XKR7: variants seen among roughly 807,000 people sequenced by gnomAD.
XKR7 encodes XK-related protein 7.
Under a neutral mutation model 42.2 loss-of-function variants are expected in XKR7, and 11 were observed. That is an observed-to-expected ratio of 0.26 (90% CI 0.16 to 0.43). XKR7 has a LOEUF of 0.43. XKR7 is among the 20% of genes least tolerant of loss of function. The pLI, the probability that XKR7 is intolerant of heterozygous loss-of-function variation, is 1.00. For synonymous variants in XKR7, 346 were observed against 366.4 expected, an observed-to-expected ratio of 0.94 and a Z score of 0.64; for missense variants, 710 against 802.2, an observed-to-expected ratio of 0.89 and a Z score of 1.39.
intron 1 of XKR7, among the ~76,000 whole-genome samples, chr20:31,989,380 G>C (rs532384303): frequency 6.6e-6 from 1 of 152,294 alleles, no homozygotes; most frequent in South Asian, 2.1e-4. Context: ...TGCACGCCGA[G>C]GGGAGAAGCG....
chr20:32,001,501 G>A lies in XKR7; in HGVS notation c.*4044G>A, dbSNP rs561516204. 1.8e-3 allele frequency: 270 copies of A among 152,308 alleles called. No individual in the cohort carries two copies. The highest frequency in any genetic ancestry group is 6.3e-3 in the African/African-American group (260 of 41,544). The allele number at this position is 152,308 out of a possible 1,614,324, so 9.4% of individuals were successfully genotyped here. A position where few individuals can be genotyped will look rare whatever the true frequency, so the allele number is the denominator to read the frequency against. ...AGGGACAGAGGCTGTGGCTCCCTCT[G>A]AGACTTTGCTAGTCCAACCCTAAAT... On this transcript the variant is annotated 3_prime_UTR_variant, in exon 3 of 3. Coordinates refer to ENST00000562532, the MANE Select transcript of XKR7 (RefSeq NM_001011718.2).
intron 1 of XKR7, among the ~76,000 whole-genome samples, chr20:31,984,554 A>T (rs2064528551): frequency 6.6e-6 from 1 of 152,214 alleles, no homozygotes. Flanking sequence ...GCTTGGGCCC[A>T]TTTTATAGAA....
Position 31,997,237 on chromosome 20 carries a change from T to G in XKR7, c.1520T>G (p.Leu507Trp). ...TPPVFQVRPG[L>W]PPTPVARTLR... The stretch of plus-strand genomic sequence containing the variant: ...CCTGTCTTCCAGGTGCGGCCTGGCT[T>G]GCCTCCCACACCAGTGGCCCGCACC... The change falls in exon 3 of 3, where the codon TTG becomes TGG. Residue 507 changes from leucine to tryptophan, a missense_variant. By Grantham distance (61) the Leu-to-Trp change is moderately conservative. This residue lies in a region of XKR7 where 708 missense variants were observed against 786.2 expected (regional missense o/e 0.90). Coordinates refer to ENST00000562532, the MANE Select transcript of XKR7 (RefSeq NM_001011718.2). The G allele has an allele frequency of 6.2e-7, 1 of 1,611,758 alleles. No individual in the cohort carries two copies. Among genetic ancestry groups the G allele is most frequent in the Non-Finnish European group, 8.5e-7 (1 of 1,179,842 alleles).
At position 31,995,578 on chromosome 20, in the gene XKR7, C is replaced by T. The variant is rs1021042580; in HGVS notation, c.787+308C>T. On this transcript the variant is annotated intron_variant, in intron 2 of 2. Transcript: ENST00000562532. This position sits in a 1 kb window ranked among gnomAD's most constrained non-coding sequence, Gnocchi z 4.1. ...TTCCCCGTTGCCAGAGCCAACCAAA[C>T]CCCATCTCCCACCCAAACACCTTAG... Among the ~76,000 whole-genome samples the T allele has an allele frequency of 6.6e-6, 1 of 152,044 alleles. No individual in the cohort carries two copies.
chr20:31,971,860 C>T lies in XKR7; in HGVS notation c.584+3101C>T, dbSNP rs78183341. Among the ~76,000 whole-genome samples the T allele has an allele frequency of 8.9e-3, 1,352 of 152,044 alleles. 8 individuals carry two copies. The highest frequency in any genetic ancestry group is 0.014 in the Non-Finnish European group (966 of 68,012). Reference sequence around the variant, plus strand: ...AGGACATTCAGGGGCAAGTAGTGTCCGAGGAAAAGGGAAGCTCCAGCTGAT... The same window carrying T: ...AGGACATTCAGGGGCAAGTAGTGTCTGAGGAAAAGGGAAGCTCCAGCTGAT... On this transcript the variant is annotated intron_variant, in intron 1 of 2. Transcript: ENST00000562532.
intron 1 of XKR7, among the ~76,000 whole-genome samples, chr20:31,984,168 C>G (rs547932022): frequency 1.3e-5 from 2 of 149,282 alleles, no homozygotes; most frequent in Non-Finnish European, 3.0e-5. Context: ...GGCTGAGGCA[C>G]GAAAATCACC....
intron 1 of XKR7, among the ~76,000 whole-genome samples, chr20:31,984,681 GA>G (rs1462725274): frequency 6.6e-6 from 1 of 152,194 alleles, no homozygotes; most frequent in Non-Finnish European, 1.5e-5. Context: ...AATCCCAAGT[GA>G]AACCTGAGGT....
At position 31,984,169 on chromosome 20, in the gene XKR7, G is replaced by A. The variant is rs1026145412; in HGVS notation, c.585-10899G>A. ...CCATCTACTTGGGAGGCTGAGGCAC[G>A]AAAATCACCTGAACCCGGGACGTGG... On this transcript the variant is annotated intron_variant, in intron 1 of 2. Coordinates refer to ENST00000562532, the MANE Select transcript of XKR7 (RefSeq NM_001011718.2). Among the ~76,000 whole-genome samples the A allele has an allele frequency of 4.0e-5, 6 of 151,376 alleles. No individual in the cohort carries two copies. The East Asian group carries it at 7.8e-4, about 20-fold the overall frequency.
intron 1 of XKR7, among the ~76,000 whole-genome samples, chr20:31,990,076 G>A (rs2064562769): frequency 6.6e-6 from 1 of 152,178 alleles, no homozygotes; most frequent in Non-Finnish European, 1.5e-5. Flanking sequence ...GGTTTCAAGA[G>A]AGGTTGCCTG....
chr20:31,996,678 G>T lies in XKR7; in HGVS notation c.961G>T (p.Ala321Ser). Residue 321 changes from alanine (A) to serine (S), a missense_variant, in exon 3 of 3, where the codon GCC (alanine) becomes TCC (serine). By Grantham distance (99) the Ala-to-Ser change is moderately conservative (BLOSUM62 1). Coordinates refer to ENST00000562532, the MANE Select transcript of XKR7 (RefSeq NM_001011718.2). The stretch of plus-strand genomic sequence containing the variant: ...CCGCGGCCTGGCCTTCGCGCTCTTC[G>T]CCAGCGTCTACAAGCTCTATTTTGG... ...AARGLAFALFASVYKLYFGIF... is the reference protein window; with the variant it reads ...AARGLAFALFSSVYKLYFGIF... 6.2e-7 allele frequency: 1 copy of T among 1,605,582 alleles called. No individual in the cohort carries two copies. Among genetic ancestry groups the T allele is most frequent in the Non-Finnish European group, 8.5e-7 (1 of 1,175,120 alleles).
In XKR7 at chr20:31,968,311, G is replaced by A. The variant is rs751972542; in HGVS notation, c.136G>A (p.Gly46Ser). Residue 46 changes from glycine (G) to serine (S), a missense_variant, in exon 1 of 3, where the codon GGC becomes AGC. Physicochemically the swap from Gly to Ser is moderately conservative, Grantham distance 56. Coordinates refer to ENST00000562532, the MANE Select transcript of XKR7 (RefSeq NM_001011718.2). The surrounding 1 kb of genome is among the most constrained non-coding windows in gnomAD (Gnocchi z 4.5). The stretch of plus-strand genomic sequence containing the variant: ...CGGGCCCCCGGGGGTCGTCGGGGCG[G>A]GCGGCCCGGGGCCGCGCTACGAGCT... Reference protein sequence around the residue: ...AAGPPGVVGAGGPGPRYELRD... With the variant: ...AAGPPGVVGASGPGPRYELRD... 3 of 1,288,724 alleles carry A rather than the reference G, an allele frequency of 2.3e-6. No homozygotes were observed. The Admixed American group carries it at 1.0e-4, about 43-fold the overall frequency. 79.8% of individuals were successfully genotyped at this position (1,288,724 alleles called of 1,614,324 possible).
intron 1 of XKR7, among the ~76,000 whole-genome samples, chr20:31,986,217 G>A (rs1383645132): frequency 8.8e-6 from 1 of 113,220 alleles, no homozygotes; most frequent in East Asian, 3.0e-4. Flanking sequence ...AACAGATCCA[G>A]TATCCAAGGC....
At chr20:31,981,850 G>T (rs1036647919) in intron 1 of XKR7, among the ~76,000 whole-genome samples, 1 of 152,076 alleles carries the variant, frequency 6.6e-6, no homozygotes, top group Non-Finnish European at 1.5e-5. Context: ...CCCACTTCAG[G>T]ACTTTTGCCT....
At position 31,997,752 on chromosome 20, in the gene XKR7, T is replaced by C. The variant is rs2064602754; in HGVS notation, c.*295T>C. 5 of 393,440 alleles carry C rather than the reference T, an allele frequency of 1.3e-5. No individual in the cohort carries two copies. The highest frequency in any genetic ancestry group is 2.0e-5 in the African/African-American group (1 of 49,620). The allele number at this position is 393,440 out of a possible 1,614,324, so 24.4% of individuals were successfully genotyped here. On this transcript the variant is annotated 3_prime_UTR_variant, in exon 3 of 3. Transcript: ENST00000562532. ...CCTGCTTTCATGGGGCCTCCACACC[T>C]CTCCCCTGCCTGGCGTTGCCCATGT... is the stretch of plus-strand genomic sequence containing the variant.
rs1269160265 is a variant in XKR7 at position 31,997,548 on chromosome 20, G to A, written c.*91G>A. The A allele has an allele frequency of 2.4e-6, 3 of 1,225,038 alleles. No homozygotes were observed. Among genetic ancestry groups the A allele is most frequent in the Non-Finnish European group, 3.4e-6 (3 of 894,140 alleles). The allele number at this position is 1,225,038 out of a possible 1,614,324, so 75.9% of individuals were successfully genotyped here. A position where few individuals can be genotyped will look rare whatever the true frequency, so the allele number is the denominator to read the frequency against. ...CCGAATTTCAGGGCCACCAGGCTAA[G>A]GGGGAGTGGATCTGTTGGTCCAAGG... On this transcript the variant is annotated 3_prime_UTR_variant, in exon 3 of 3. Transcript: ENST00000562532.
chr20:31,997,337 T>C lies in XKR7; in HGVS notation c.1620T>C (p.Ile540=). 6.2e-7 allele frequency: 1 copy of C among 1,608,048 alleles called. No homozygotes were observed. The part of the protein sequence containing the change: ...KKYPAWDAHF[I]DRRLRKTILA... ...ACCCGGCCTGGGATGCTCATTTTAT[T>C]GACCGCCGGCTCCGGAAGACCATCC... Residue 540 remains isoleucine, a synonymous_variant, in exon 3 of 3, where the codon ATT becomes ATC. Coordinates refer to ENST00000562532, the MANE Select transcript of XKR7 (RefSeq NM_001011718.2).
At chr20:31,983,912 C>A (rs2122264089) in intron 1 of XKR7, among the ~76,000 whole-genome samples, 1 of 151,570 alleles carries the variant, frequency 6.6e-6, no homozygotes, top group African/African-American at 2.4e-5. Flanking sequence ...CGTGCTATTG[C>A]ACTCCAGCCT....
At chr20:31,981,841 C>T (rs940980144) in intron 1 of XKR7, among the ~76,000 whole-genome samples, 20 of 152,238 alleles carry the variant, frequency 1.3e-4, no homozygotes, top group Admixed American at 6.5e-5. Context: ...CTGCTCCCTC[C>T]CACTTCAGGA....
At chr20:31,978,106 T>A (rs922517484) in intron 1 of XKR7, among the ~76,000 whole-genome samples, 1 of 151,640 alleles carries the variant, frequency 6.6e-6, no homozygotes, top group African/African-American at 2.4e-5. Context: ...TACTTTTTTT[T>A]TTTATTTTTT....
Sources: gnomAD v4.1 joint callset for allele counts (sites outside exome capture counted in the v4.1 genomes callset) on GRCh38, gnomAD v4.1.1 for gene constraint, gnomAD v4.1.1 regional missense constraint, Gnocchi (gnomAD v3.1) non-coding constraint, MANE v1.5 for transcripts, NCBI Gene and HGNC (gene_info 2026-07-23, HGNC 2026-07-21) for gene names.